Variants in PTPRD observed in about 807,000 individuals in gnomAD.
PTPRD encodes the protein receptor-type tyrosine-protein phosphatase delta.
In PTPRD, 34 loss-of-function variants were observed where a neutral mutation model predicts 214.5. The ratio of observed to expected loss-of-function variants is 0.16; its 90% confidence interval spans 0.12 to 0.21. The LOEUF (loss-of-function observed/expected upper bound fraction) is 0.21. Ranked by LOEUF, PTPRD falls within the 10% of genes least tolerant of loss-of-function variation. The pLI is 1.00. For missense variants in PTPRD, 2,545 were observed against 2,398.7 expected, an observed-to-expected ratio of 1.06 and a Z score of -1.27; for synonymous variants, 1,128 against 845.7, an observed-to-expected ratio of 1.33 and a Z score of -5.79.
rs75187831 is a variant in PTPRD, at chr9:9,760,433, G to A, written c.-326+6377C>T. On this transcript the variant is annotated intron_variant, in intron 6 of 45. Transcript: ENST00000381196. ...GGAGACACAAGGGCTTGATATTTTTGCCCTCCAAGACCTGCTCCAATACCT... is the reference window on the plus strand; with the variant it reads ...GGAGACACAAGGGCTTGATATTTTTACCCTCCAAGACCTGCTCCAATACCT... Among the ~76,000 whole-genome samples the A allele has an allele frequency of 4.0e-3, 611 of 151,974 alleles. 3 individuals carry two copies. Among genetic ancestry groups the A allele is most frequent in the African/African-American group, 0.014 (583 of 41,448 alleles).
intron 3 of PTPRD, among the ~76,000 whole-genome samples, chr9:10,292,422 C>T (rs10959029): frequency 0.083 from 12,679 of 152,022 alleles, 619 homozygotes; most frequent in South Asian, 0.16. Context: ...CTGCTCAAAA[C>T]CTTCCAATAC....
chr9:10,547,365 C>T (rs1024585964), intron 2 of PTPRD, among the ~76,000 whole-genome samples: 4 of 151,648 alleles, frequency 2.6e-5, no homozygotes, highest in Non-Finnish European at 2.9e-5. Flanking sequence ...GTTTCCAGAA[C>T]TGCAAAACTT....
intron 4 of PTPRD, among the ~76,000 whole-genome samples, chr9:9,969,882 T>A (rs568224372): frequency 6.6e-6 from 1 of 152,202 alleles, no homozygotes; most frequent in South Asian, 2.1e-4. Flanking sequence ...CAGGAACTTG[T>A]ATACATTTTT....
At chr9:9,525,708 C>A (rs2073968888) in intron 8 of PTPRD, among the ~76,000 whole-genome samples, 1 of 151,486 alleles carries the variant, frequency 6.6e-6, no homozygotes. Context: ...AAAAATAAGG[C>A]AGAGAAAGTC....
intron 12 of PTPRD, among the ~76,000 whole-genome samples, chr9:8,681,984 C>T (rs2097559633): frequency 6.6e-6 from 1 of 152,150 alleles, no homozygotes; most frequent in South Asian, 2.1e-4. Context: ...GTTCTACAAA[C>T]ATTTCCCACA....
At chr9:8,979,256 T>G (rs2099291298) in intron 11 of PTPRD, among the ~76,000 whole-genome samples, 2 of 152,140 alleles carry the variant, frequency 1.3e-5, no homozygotes, top group African/African-American at 4.8e-5. Context: ...TCTGAAGTAT[T>G]CCTAAAAAAC....
At chr9:9,368,879 T>A (rs1426962999) in intron 9 of PTPRD, among the ~76,000 whole-genome samples, 3 of 151,974 alleles carry the variant, frequency 2.0e-5, no homozygotes, top group Non-Finnish European at 1.5e-5. Flanking sequence ...TCATTTAGCA[T>A]TAGGTATATC....
At chr9:10,344,796 T>C (rs2097034249) in intron 2 of PTPRD, among the ~76,000 whole-genome samples, 1 of 152,178 alleles carries the variant, frequency 6.6e-6, no homozygotes, top group South Asian at 2.1e-4. Flanking sequence ...CAATTCTGAA[T>C]GGGAGTTCAC....
chr9:10,386,675 AAAAC>A (rs1249516771), intron 2 of PTPRD, among the ~76,000 whole-genome samples: 18 of 151,682 alleles, frequency 1.2e-4, no homozygotes, highest in Admixed American at 3.9e-4. Flanking sequence ...AAAACAAAAC[AAAAC>A]AAACAAACAA....
chr9:8,372,086 G>A (rs1023826196), intron 39 of PTPRD, among the ~76,000 whole-genome samples: 1 of 152,014 alleles, frequency 6.6e-6, no homozygotes, highest in Admixed American at 6.6e-5. Context: ...TATTATAAAT[G>A]ATCCTCTCTA....
intron 7 of PTPRD, among the ~76,000 whole-genome samples, chr9:9,693,465 G>A (rs944999185): frequency 4.6e-5 from 7 of 152,018 alleles, no homozygotes; most frequent in African/African-American, 1.7e-4. Context: ...CCCGCCATGT[G>A]CAACTATGAG....
At chr9:8,974,299 T>A (rs10977416) in intron 11 of PTPRD, among the ~76,000 whole-genome samples, 19,376 of 152,110 alleles carry the variant, frequency 0.13, 1,359 homozygotes, top group South Asian at 0.2. Flanking sequence ...ATTTATTGAA[T>A]AGGGAATCTT....
intron 39 of PTPRD, among the ~76,000 whole-genome samples, chr9:8,347,743 A>C (rs1047372222): frequency 1.3e-5 from 2 of 152,162 alleles, no homozygotes; most frequent in Admixed American, 6.5e-5. Context: ...TGTCCTTGTA[A>C]GAGGAAGAGA....
intron 12 of PTPRD, among the ~76,000 whole-genome samples, chr9:8,688,513 C>T (rs770195116): frequency 5.5e-4 from 82 of 148,822 alleles, no homozygotes; most frequent in Non-Finnish European, 1.0e-3. Context: ...TGCAGTGAGC[C>T]GAGATCGCAC....
intron 3 of PTPRD, among the ~76,000 whole-genome samples, chr9:10,243,221 A>G (rs987802797): frequency 4.0e-5 from 6 of 151,890 alleles, no homozygotes; most frequent in African/African-American, 1.4e-4. Context: ...TTGAGACTAA[A>G]TTTCCTTTTA....
In PTPRD at chr9:9,900,641, G is replaced by GTTTTTTTTTTTTTTTTTTTTTT. The variant is rs1555302230; in HGVS notation, c.-368+37865_-368+37866insAAAAAAAAAAAAAAAAAAAAAA. Among the ~76,000 whole-genome samples, 5 of 120,084 alleles carry GTTTTTTTTTTTTTTTTTTTTTT rather than the reference G, an allele frequency of 4.2e-5. 1 individual carries two copies. Among genetic ancestry groups the GTTTTTTTTTTTTTTTTTTTTTT allele is most frequent in the African/African-American group, 1.6e-4 (5 of 32,046 alleles). The allele number at this position is 120,084 out of a possible 152,430, so 78.8% of individuals were successfully genotyped here. A position where few individuals can be genotyped will look rare whatever the true frequency, so the allele number is the denominator to read the frequency against. ...TCCAAAGGTGCTTCCACATTTTCAGGTTTTTTTTTTTTTTGAGATGGAGTC... is the reference window on the plus strand; with the variant it reads ...TCCAAAGGTGCTTCCACATTTTCAGGTTTTTTTTTTTTTTTTTTTTTTTTTTTTTTTTTTTTGAGATGGAGTC... On this transcript the variant is annotated intron_variant, in intron 5 of 45. Transcript: ENST00000381196.
intron 9 of PTPRD, among the ~76,000 whole-genome samples, chr9:9,185,018 T>G (rs561144445): frequency 6.6e-6 from 1 of 152,072 alleles, no homozygotes; most frequent in Admixed American, 6.6e-5. Flanking sequence ...ACTGTTCTTA[T>G]AGGCCTCTAT....
rs150761658 is a variant in PTPRD, at chr9:9,624,091, G to C, written c.-286-49310C>G. ...AATGACATGATCGTCATAATCAAATGTCCTTATGTAACTATGGTTATGTGG... is the reference window on the plus strand; with the variant it reads ...AATGACATGATCGTCATAATCAAATCTCCTTATGTAACTATGGTTATGTGG... On this transcript the variant is annotated intron_variant, in intron 7 of 45. Coordinates refer to ENST00000381196, the MANE Select transcript of PTPRD (RefSeq NM_002839.4). Among the ~76,000 whole-genome samples the C allele has an allele frequency of 9.0e-3, 1,367 of 152,248 alleles. 18 individuals are homozygous for C. Among genetic ancestry groups the C allele is most frequent in the African/African-American group, 0.032 (1,313 of 41,554 alleles).
chr9:8,626,837 T>G (rs991880066), intron 14 of PTPRD, among the ~76,000 whole-genome samples: 1 of 151,682 alleles, frequency 6.6e-6, no homozygotes, highest in Non-Finnish European at 1.5e-5. Context: ...GCTGCCAACT[T>G]TGGCAGATCT....
Sources: gnomAD v4.1 joint callset for allele counts (sites outside exome capture counted in the v4.1 genomes callset) on GRCh38, gnomAD v4.1.1 for gene constraint, MANE v1.5 for transcripts, NCBI Gene and HGNC (gene_info 2026-07-23, HGNC 2026-07-21) for gene names.